TNKS: variants seen among roughly 807,000 people sequenced by gnomAD.
The protein encoded by TNKS is poly [ADP-ribose] polymerase tankyrase-1.
TNKS carries 72 observed loss-of-function variants against 135.8 expected under a neutral mutation model. The observed-to-expected ratio is 0.53, with a 90% CI of 0.44 to 0.64. The LOEUF (loss-of-function observed/expected upper bound fraction) is 0.64, where lower values mean the gene tolerates loss of function less well. TNKS is among the 30% of genes least tolerant of loss of function. The pLI is 0.00. For synonymous variants in TNKS, 849 were observed against 649.3 expected (o/e 1.31, Z -4.68); for missense variants, 1,769 against 1,674.0 (o/e 1.06, Z -0.99).
intron 5 of TNKS, among the ~76,000 whole-genome samples, chr8:9,684,035 A>G (rs1390893540): frequency 6.6e-6 from 1 of 151,712 alleles, no homozygotes; most frequent in Non-Finnish European, 1.5e-5. Context: ...TTATGCAATT[A>G]TATACGTGTT....
chr8:9,638,430 T>C (rs763549724), intron 3 of TNKS, among the ~76,000 whole-genome samples: 2 of 152,242 alleles, frequency 1.3e-5, no homozygotes, highest in Non-Finnish European at 2.9e-5. Context: ...CTAAAAATCT[T>C]CTGTTTTCTG....
At chr8:9,773,361 G>T (rs1181325346) in intron 26 of TNKS, among the ~76,000 whole-genome samples, 1 of 151,998 alleles carries the variant, frequency 6.6e-6, no homozygotes, top group Non-Finnish European at 1.5e-5. Context: ...TTCACCCACA[G>T]CATAAGAATA....
chr8:9,753,673 A>G (rs1362580469), intron 20 of TNKS, among the ~76,000 whole-genome samples: 1 of 152,340 alleles, frequency 6.6e-6, no homozygotes, highest in East Asian at 1.9e-4. Context: ...GTGTTTAGAG[A>G]AAAATTATTC....
At chr8:9,642,171 C>T (rs1320658176) in intron 3 of TNKS, among the ~76,000 whole-genome samples, 5 of 146,124 alleles carry the variant, frequency 3.4e-5, no homozygotes, top group African/African-American at 1.3e-4. Flanking sequence ...GCTACCATTC[C>T]TAGGTAATTA....
At chr8:9,734,771 G>A (rs946773337) in intron 15 of TNKS, 94 bp from the exon 16 acceptor site, 49 of 1,095,692 alleles carry the variant, frequency 4.5e-5, no homozygotes, top group Non-Finnish European at 6.2e-5. Context: ...ATCTTCCCCA[G>A]AGGAACAAAG....
chr8:9,661,179 A>T (rs187890215), intron 3 of TNKS, among the ~76,000 whole-genome samples: 1 of 151,730 alleles, frequency 6.6e-6, no homozygotes. Context: ...TCTAGATTCA[A>T]TGCGATCCCC....
Position 9,703,352 on chromosome 8 carries a change from AAAATT to A in TNKS, c.1108-1308_1108-1304del, listed in dbSNP as rs746802171. On this transcript the variant is annotated intron_variant, in intron 5 of 26. Coordinates refer to ENST00000310430, the MANE Select transcript of TNKS (RefSeq NM_003747.3). ...ATTCCACAAGTAATATTTTCAGACT[AAAATT>A]AACCACAGGTAAGTGAAATTGTACT... 1.1e-4 allele frequency among the ~76,000 whole-genome samples: 16 copies of A among 152,212 alleles called. No homozygotes were observed. The East Asian group carries it at 1.5e-3, about 15-fold the overall frequency.
Position 9,598,783 on chromosome 8 carries a change from A to G in TNKS, c.899-16799A>G, listed in dbSNP as rs1043464730. ...TGTGTGTGTATATATATATATATAT[A>G]TATATATATATATATATATATATAT... On this transcript the variant is annotated intron_variant, in intron 2 of 26. Coordinates refer to ENST00000310430, the MANE Select transcript of TNKS (RefSeq NM_003747.3). Among the ~76,000 whole-genome samples, 371 of 67,780 alleles carry G rather than the reference A, an allele frequency of 5.5e-3. 10 individuals carry two copies. Among genetic ancestry groups the G allele is most frequent in the African/African-American group, 0.017 (252 of 14,986 alleles). The allele number at this position is 67,780 out of a possible 152,430, so 44.5% of individuals were successfully genotyped here.
At chr8:9,710,938 C>T (rs1432876723) in intron 11 of TNKS, among the ~76,000 whole-genome samples, 1 of 152,064 alleles carries the variant, frequency 6.6e-6, no homozygotes, top group Admixed American at 6.6e-5. Context: ...ATAATTTTCT[C>T]AACCTCTACA....
chr8:9,581,961 A>T (rs1798184925), intron 2 of TNKS, among the ~76,000 whole-genome samples: 1 of 152,196 alleles, frequency 6.6e-6, no homozygotes, highest in Non-Finnish European at 1.5e-5. Context: ...CTCAGTTCAC[A>T]GTAGGCTTTG....
At chr8:9,691,333 C>T (rs543156937) in intron 5 of TNKS, among the ~76,000 whole-genome samples, 1 of 152,258 alleles carries the variant, frequency 6.6e-6, no homozygotes, top group Admixed American at 6.5e-5. Context: ...TTCCACATTT[C>T]TGGGGCGCTT....
chr8:9,582,592 C>G (rs937920187), intron 2 of TNKS, among the ~76,000 whole-genome samples: 1 of 152,224 alleles, frequency 6.6e-6, no homozygotes, highest in Non-Finnish European at 1.5e-5. Flanking sequence ...CCTGACCCCA[C>G]CAGTTTCCAG....
intron 2 of TNKS, among the ~76,000 whole-genome samples, chr8:9,595,930 A>G (rs4416826): frequency 0.04 from 6,063 of 152,198 alleles, 320 homozygotes; most frequent in African/African-American, 0.12. Context: ...TGAGCAATAA[A>G]GTGAGATCCT....
chr8:9,677,993 C>G (rs776399806), intron 3 of TNKS, among the ~76,000 whole-genome samples: 16 of 152,180 alleles, frequency 1.1e-4, no homozygotes, highest in Non-Finnish European at 2.4e-4. Flanking sequence ...CCCCAACTAC[C>G]CTTCCAATCA....
At chr8:9,717,096 TATATA>T (rs1804648867) in intron 11 of TNKS, among the ~76,000 whole-genome samples, 1 of 130,778 alleles carries the variant, frequency 7.6e-6, no homozygotes, top group African/African-American at 2.7e-5. Flanking sequence ...TATATATATA[TATATA>T]TTTTCAGGGA....
chr8:9,740,123 A>G (rs1013355301), intron 17 of TNKS, among the ~76,000 whole-genome samples: 15 of 150,742 alleles, frequency 1.0e-4, no homozygotes, highest in African/African-American at 1.7e-4. Context: ...ATCAGTTGTA[A>G]GAGGAAGAGA....
chr8:9,645,647 A>G (rs1800893430), intron 3 of TNKS, among the ~76,000 whole-genome samples: 1 of 152,156 alleles, frequency 6.6e-6, no homozygotes, highest in Non-Finnish European at 1.5e-5. Flanking sequence ...AACAGGCATC[A>G]TGGTCTAAAT....
intron 9 of TNKS, 29 bp from the exon 10 acceptor site, chr8:9,709,926 T>G (rs752621002): frequency 2.3e-5 from 36 of 1,572,584 alleles, no homozygotes; most frequent in Non-Finnish European, 2.8e-5. Context: ...GAAGTGTATT[T>G]TATTAACTTG....
intron 12 of TNKS, among the ~76,000 whole-genome samples, chr8:9,723,507 A>T (rs1405937942): frequency 2.0e-5 from 3 of 152,232 alleles, no homozygotes; most frequent in African/African-American, 7.2e-5. Context: ...TTTTCATTAT[A>T]AACTGCTGGC....
Sources: gnomAD v4.1 joint callset for allele counts (sites outside exome capture counted in the v4.1 genomes callset) on GRCh38, gnomAD v4.1.1 for gene constraint, MANE v1.5 for transcripts, NCBI Gene and HGNC (gene_info 2026-07-23, HGNC 2026-07-21) for gene names.